The following TP63 variants were observed in gnomAD, a reference collection of about 807,000 sequenced individuals.
TP63 encodes the protein tumor protein 63.
TP63 carries 17 observed loss-of-function variants against 82.8 expected under a neutral mutation model. The observed-to-expected ratio is 0.21, with a 90% CI of 0.14 to 0.31. The LOEUF (loss-of-function observed/expected upper bound fraction) is 0.31. Ranked by LOEUF, TP63 falls within the 10% of genes least tolerant of loss-of-function variation. The pLI, the probability that TP63 is intolerant of heterozygous loss-of-function variation, is 1.00. For synonymous variants in TP63, 330 were observed against 321.7 expected (o/e 1.03, Z -0.28); for missense variants, 648 against 895.3 (o/e 0.72, Z 3.52).
chr3:189,893,991 G>A (rs900190664), intron 13 of TP63, among the ~76,000 whole-genome samples: 1 of 152,136 alleles, frequency 6.6e-6, no homozygotes, highest in African/African-American at 2.4e-5. Flanking sequence ...TAAGTGAAGT[G>A]TTCTACACAG....
chr3:189,887,903 C>G (rs1720628498), intron 11 of TP63, among the ~76,000 whole-genome samples: 1 of 146,056 alleles, frequency 6.8e-6, no homozygotes. Flanking sequence ...GTTGCCCAGG[C>G]TGGAGTGCAA....
intron 1 of TP63, among the ~76,000 whole-genome samples, chr3:189,697,233 G>GAATTTTTTTTTTTTTT (rs1560117520): frequency 7.0e-6 from 1 of 142,252 alleles, no homozygotes; most frequent in African/African-American, 2.6e-5. Context: ...TCTAGGTTCA[G>GAATTTTTTTTTTTTTT]TTTTTTTTTT....
At chr3:189,662,059 T>C (rs374440059) in intron 1 of TP63, among the ~76,000 whole-genome samples, 6 of 152,002 alleles carry the variant, frequency 3.9e-5, no homozygotes, top group Non-Finnish European at 7.4e-5. Flanking sequence ...GGGTCTCAAG[T>C]TTCCTAAGCT....
At chr3:189,621,870 CAGAA>C in the TP63 span, among the ~76,000 whole-genome samples, 1 of 152,136 alleles carries the variant, frequency 6.6e-6, no homozygotes, top group Admixed American at 6.5e-5. Context: ...AGCAGAGCAA[CAGAA>C]TAATGTACTA....
chr3:189,748,480 A>G (rs530607101), intron 3 of TP63, among the ~76,000 whole-genome samples: 1 of 148,698 alleles, frequency 6.7e-6, no homozygotes, highest in Admixed American at 6.8e-5. Flanking sequence ...TTAACCAAGA[A>G]GGCAAAATAT....
intron 3 of TP63, among the ~76,000 whole-genome samples, chr3:189,770,347 G>A (rs377576355): frequency 7.4e-4 from 112 of 152,138 alleles, no homozygotes; most frequent in African/African-American, 2.7e-3. Context: ...GGGAGGCCGA[G>A]GCAGGTGGAT....
At position 189,748,460 on chromosome 3, in the gene TP63, G is replaced by A. The variant is rs184851497; in HGVS notation, c.324+9686G>A. 2.5e-3 allele frequency among the ~76,000 whole-genome samples: 332 copies of A among 132,538 alleles called. 2 individuals are homozygous for A. The highest frequency in any genetic ancestry group is 0.014 in the Middle Eastern group (3 of 222). The allele number at this position is 132,538 out of a possible 152,430, so 87.0% of individuals were successfully genotyped here. On this transcript the variant is annotated intron_variant, in intron 3 of 13. Transcript: ENST00000264731. ...CAATGGCCACAAAAGTAAAACACCTGGGAGTAAATTTAACCAAGAAGGCAA... is the reference window on the plus strand; with the variant it reads ...CAATGGCCACAAAAGTAAAACACCTAGGAGTAAATTTAACCAAGAAGGCAA...
intron 1 of TP63, among the ~76,000 whole-genome samples, chr3:189,637,597 C>T (rs967370913): frequency 6.6e-6 from 1 of 152,146 alleles, no homozygotes; most frequent in Non-Finnish European, 1.5e-5. Flanking sequence ...CCCTTGACTA[C>T]CAGTTCAAAG....
chr3:189,755,039 A>C (rs1200768008), intron 3 of TP63, among the ~76,000 whole-genome samples: 1 of 152,160 alleles, frequency 6.6e-6, no homozygotes, highest in Non-Finnish European at 1.5e-5. Flanking sequence ...ACTAGAGTTG[A>C]AATTCTGTCT....
chr3:189,603,512 T>G, the TP63 span, among the ~76,000 whole-genome samples: 1 of 151,864 alleles, frequency 6.6e-6, no homozygotes, highest in African/African-American at 2.4e-5. Context: ...GGTATTTTGT[T>G]TTATCACAGG....
rs562928402 is a variant in TP63, at chr3:189,714,829, CT to C, written c.63-22903del. ...GTACACATTCATATAAAAAGCATCT[CT>C]TTTTTTTAAAGTGCTGTCTAAAAAG... On this transcript the variant is annotated intron_variant, in intron 1 of 13. Coordinates refer to ENST00000264731, the MANE Select transcript of TP63 (RefSeq NM_003722.5). Among the ~76,000 whole-genome samples the C allele has an allele frequency of 1.2e-4, 18 of 152,086 alleles. No individual in the cohort carries two copies. The South Asian group carries it at 2.9e-3, about 25-fold the overall frequency.
At chr3:189,668,959 A>G (rs1203346503) in intron 1 of TP63, among the ~76,000 whole-genome samples, 2 of 152,080 alleles carry the variant, frequency 1.3e-5, no homozygotes, top group African/African-American at 4.8e-5. Context: ...AGAAAAATAC[A>G]AAGAAAGTCA....
At chr3:189,818,001 G>C (rs905886845) in intron 4 of TP63, among the ~76,000 whole-genome samples, 1 of 151,418 alleles carries the variant, frequency 6.6e-6, no homozygotes, top group Admixed American at 6.6e-5. Flanking sequence ...TACTCCAATT[G>C]AATAACAATG....
At chr3:189,733,685 TTTATC>T (rs1455152001) in intron 1 of TP63, among the ~76,000 whole-genome samples, 2 of 152,228 alleles carry the variant, frequency 1.3e-5, no homozygotes, top group African/African-American at 4.8e-5. Flanking sequence ...ATATTTCAGT[TTTATC>T]TGAAGACAAA....
In TP63 at chr3:189,681,594, T is replaced by C. The variant is rs1252057404; in HGVS notation, c.62+50017T>C. Among the ~76,000 whole-genome samples, 9 of 152,186 alleles carry C rather than the reference T, an allele frequency of 5.9e-5. No homozygotes were observed. In the East Asian group the frequency reaches 1.5e-3, roughly 26 times the overall value. Reference sequence around the variant, plus strand: ...ATTTCAGCTCACGTGCTCCATAAATTATATGCAATATTTGACCCTGTTAAT... The same window carrying C: ...ATTTCAGCTCACGTGCTCCATAAATCATATGCAATATTTGACCCTGTTAAT... On this transcript the variant is annotated intron_variant, in intron 1 of 13. Transcript: ENST00000264731.
chr3:189,830,069 T>A (rs1712079673), intron 4 of TP63: 1 of 216,132 alleles, frequency 4.6e-6, no homozygotes, highest in Admixed American at 5.8e-5. Flanking sequence ...AGGCCAACGG[T>A]CATTTAGTAG....
intron 3 of TP63, among the ~76,000 whole-genome samples, chr3:189,751,278 A>G (rs1721803968): frequency 1.3e-5 from 2 of 152,198 alleles, no homozygotes; most frequent in Admixed American, 6.5e-5. Context: ...CGCAATAAAC[A>G]TACGTGTGCA....
At chr3:189,701,545 A>G (rs1353614873) in intron 1 of TP63, among the ~76,000 whole-genome samples, 1 of 141,838 alleles carries the variant, frequency 7.1e-6, no homozygotes, top group Admixed American at 7.1e-5. Context: ...ATATATATAT[A>G]TGTAATTTTA....
At chr3:189,737,686 TCA>T in intron 1 of TP63, 52 bp from the exon 2 acceptor site, 1 of 1,581,516 alleles carries the variant, frequency 6.3e-7, no homozygotes, top group Non-Finnish European at 8.7e-7. Flanking sequence ...ATTTAAATAT[TCA>T]GTGTCATAAA....
Sources: gnomAD v4.1 joint callset for allele counts (sites outside exome capture counted in the v4.1 genomes callset) on GRCh38, gnomAD v4.1.1 for gene constraint, MANE v1.5 for transcripts, NCBI Gene and HGNC (gene_info 2026-07-23, HGNC 2026-07-21) for gene names.